The following TEX11 variants were observed in gnomAD, a reference collection of about 807,000 sequenced individuals.
TEX11 encodes testis expressed 11.
A neutral mutation model predicts 84.4 loss-of-function variants in TEX11; 7 were observed. The observed-to-expected ratio is 0.08, with a 90% CI of 0.05 to 0.16. The LOEUF is 0.16. Among genes scored for constraint, TEX11 ranks in the 10% least tolerant of loss-of-function variants. The probability of loss-of-function intolerance (pLI) is 1.00; values close to 1 mark genes in which losing one functional copy is unlikely to be tolerated. For missense variants in TEX11, 551 were observed against 660.5 expected, an observed-to-expected ratio of 0.83 and a Z score of 1.82; for synonymous variants, 264 against 222.8, an observed-to-expected ratio of 1.18 and a Z score of -1.64.
chrX:70,639,405 G>C (rs1311815272), intron 17 of TEX11, among the ~76,000 whole-genome samples: 1 of 112,113 alleles, frequency 8.9e-6, no homozygotes, highest in Admixed American at 9.4e-5. Context: ...CTCGAACTGA[G>C]TGGAGCCCAC....
intron 9 of TEX11, among the ~76,000 whole-genome samples, chrX:70,750,469 T>G (rs2090807583): frequency 9.0e-6 from 1 of 110,911 alleles, no homozygotes; most frequent in African/African-American, 3.3e-5. Flanking sequence ...AAGACACGCA[T>G]ACGTATGTTT....
chrX:70,882,096 T>C lies in TEX11; in HGVS notation c.38-1987A>G, dbSNP rs1359107143. ...CTCTATCTTTCTTTTTCCCATAAGT[T>C]GTTTAATGGAAAGACTGATGTTAAA... On this transcript the variant is annotated intron_variant, in intron 2 of 29. Coordinates refer to ENST00000374333, the MANE Select transcript of TEX11 (RefSeq NM_031276.3). 5.5e-5 allele frequency among the ~76,000 whole-genome samples: 6 copies of C among 108,945 alleles called. No homozygotes were observed. In the East Asian group the frequency reaches 1.7e-3, roughly 31 times the overall value. 94.6% of individuals were successfully genotyped at this position (108,945 alleles called of 115,157 possible).
At chrX:70,539,038 A>ATATATATATATATATTTTTTTTT in intron 28 of TEX11, among the ~76,000 whole-genome samples, 1 of 41,255 alleles carries the variant, frequency 2.4e-5, no homozygotes, top group East Asian at 1.1e-3. Flanking sequence ...ATATATATAT[A>ATATATATATATATATTTTTTTTT]TTTTTTTTTT....
intron 4 of TEX11, among the ~76,000 whole-genome samples, chrX:70,867,413 A>G (rs1006085713): frequency 1.8e-5 from 2 of 111,958 alleles, no homozygotes; most frequent in Non-Finnish European, 3.8e-5. Context: ...GCTCATGGAT[A>G]GGAAAGATTA....
chrX:70,554,355 GA>G (rs1295330112), intron 26 of TEX11, among the ~76,000 whole-genome samples: 3 of 111,671 alleles, frequency 2.7e-5, no homozygotes, highest in African/African-American at 6.5e-5. Context: ...ATTCCACACA[GA>G]AAAAATTTGA....
chrX:70,782,305 G>C, intron 9 of TEX11, among the ~76,000 whole-genome samples: 1 of 111,296 alleles, frequency 9.0e-6, no homozygotes, highest in Non-Finnish European at 1.9e-5. Flanking sequence ...CCTTACAAGA[G>C]CTCCTGAAGG....
At chrX:70,790,297 G>A (rs920512800) in intron 9 of TEX11, among the ~76,000 whole-genome samples, 1 of 111,627 alleles carries the variant, frequency 9.0e-6, no homozygotes, top group Non-Finnish European at 1.9e-5. Flanking sequence ...AGTCAACAGA[G>A]AGGCAACACA....
intron 2 of TEX11, among the ~76,000 whole-genome samples, chrX:70,884,859 C>T (rs2091699878): frequency 9.0e-6 from 1 of 110,599 alleles, no homozygotes; most frequent in African/African-American, 3.3e-5. Flanking sequence ...AATGATACAC[C>T]TCCACAGATG....
intron 24 of TEX11, among the ~76,000 whole-genome samples, chrX:70,599,804 A>C (rs1014660098): frequency 1.9e-5 from 2 of 107,228 alleles, no homozygotes; most frequent in African/African-American, 6.8e-5. Context: ...TTTACTGAGA[A>C]TGATGATTTC....
At chrX:70,561,843 A>ATGAT (rs1193111237) in intron 25 of TEX11, among the ~76,000 whole-genome samples, 1 of 112,464 alleles carries the variant, frequency 8.9e-6, no homozygotes, top group East Asian at 2.8e-4. Context: ...TTGTTCCAAC[A>ATGAT]TGATTGATAT....
At chrX:70,829,825 G>A (rs777151458) in intron 8 of TEX11, among the ~76,000 whole-genome samples, 80 of 109,113 alleles carry the variant, frequency 7.3e-4, no homozygotes, top group South Asian at 1.6e-3. Context: ...CAAGGCTCAC[G>A]GTAACCTGAA....
intron 28 of TEX11, among the ~76,000 whole-genome samples, chrX:70,548,210 T>A (rs1357752079): frequency 9.4e-6 from 1 of 106,038 alleles, no homozygotes; most frequent in Non-Finnish European, 1.9e-5. Flanking sequence ...TAGGTGGGAA[T>A]TGAACAATGA....
In TEX11 at chrX:70,773,171, C is replaced by T. The variant is rs528273531; in HGVS notation, c.693-28952G>A. On this transcript the variant is annotated intron_variant, in intron 9 of 29. Transcript: ENST00000374333. Reference sequence around the variant, plus strand: ...AAAGAGAACATCCAGACCATGAAGCCCAAAGAAAGCCAAATAAATTTAATG... The same window carrying T: ...AAAGAGAACATCCAGACCATGAAGCTCAAAGAAAGCCAAATAAATTTAATG... Among the ~76,000 whole-genome samples the T allele has an allele frequency of 5.9e-4, 65 of 109,870 alleles. No individual in the cohort carries two copies. In the South Asian group the frequency reaches 0.025, roughly 43 times the overall value.
intron 16 of TEX11, among the ~76,000 whole-genome samples, chrX:70,652,985 A>G (rs1436556013): frequency 8.9e-6 from 1 of 111,931 alleles, no homozygotes; most frequent in African/African-American, 3.2e-5. Context: ...TGGAACAACT[A>G]GACATCCACA....
intron 15 of TEX11, among the ~76,000 whole-genome samples, chrX:70,673,883 T>C (rs781286367): frequency 4.5e-4 from 50 of 112,058 alleles, no homozygotes; most frequent in South Asian, 3.7e-4. Context: ...TCTCAGGTTG[T>C]TTTGGCTATT....
chrX:70,545,240 T>C lies in TEX11; in HGVS notation c.2520+6886A>G, dbSNP rs909864722. Among the ~76,000 whole-genome samples, 36 of 112,214 alleles carry C rather than the reference T, an allele frequency of 3.2e-4. 1 individual carries two copies. The highest frequency in any genetic ancestry group is 9.7e-4 in the African/African-American group (30 of 30,930). On this transcript the variant is annotated intron_variant, in intron 28 of 29. Coordinates refer to ENST00000374333, the MANE Select transcript of TEX11 (RefSeq NM_031276.3). ...AAACAAAACAAAAAACCCCAACTTTTTGACTCTTTTGTAATAACATTTAGC... is the reference window on the plus strand; with the variant it reads ...AAACAAAACAAAAAACCCCAACTTTCTGACTCTTTTGTAATAACATTTAGC...
chrX:70,564,586 G>C (rs1315071663), intron 25 of TEX11, among the ~76,000 whole-genome samples: 1 of 89,194 alleles, frequency 1.1e-5, no homozygotes, highest in Non-Finnish European at 2.1e-5. Flanking sequence ...CCCAGAGTGT[G>C]ATGTTCCCCT....
intron 16 of TEX11, among the ~76,000 whole-genome samples, chrX:70,654,857 AT>A (rs2089848158): frequency 9.0e-6 from 1 of 110,970 alleles, no homozygotes; most frequent in Non-Finnish European, 1.9e-5. Flanking sequence ...TGGATTAAAA[AT>A]ATGTAACTAC....
At chrX:70,779,697 G>A (rs891366102) in intron 9 of TEX11, among the ~76,000 whole-genome samples, 8 of 110,545 alleles carry the variant, frequency 7.2e-5, no homozygotes, top group Non-Finnish European at 1.3e-4. Context: ...AGAAATGAGA[G>A]AGGAGATGTT....
Sources: allele counts gnomAD v4.1 joint callset (sites outside exome capture counted in the v4.1 genomes callset), GRCh38; gene constraint gnomAD v4.1.1; transcripts MANE v1.5; gene names NCBI Gene and HGNC (gene_info 2026-07-23, HGNC 2026-07-21).